PTPRG: variants seen among roughly 807,000 people sequenced by gnomAD.
PTPRG encodes receptor-type tyrosine-protein phosphatase gamma.
In PTPRG, 102 loss-of-function variants were observed where a neutral mutation model predicts 165.3. That is an observed-to-expected ratio of 0.62 (90% CI 0.53 to 0.73). PTPRG has a LOEUF of 0.73. Among genes scored for constraint, PTPRG ranks in the 30% least tolerant of loss-of-function variants. The pLI is 0.00. For missense variants in PTPRG, 1,866 were observed against 1,861.4 expected, an observed-to-expected ratio of 1.00 and a Z score of -0.05; for synonymous variants, 675 against 669.5, an observed-to-expected ratio of 1.01 and a Z score of -0.13.
At chr3:62,071,888 T>C (rs1303490114) in intron 4 of PTPRG, among the ~76,000 whole-genome samples, 1 of 152,204 alleles carries the variant, frequency 6.6e-6, no homozygotes, top group Admixed American at 6.5e-5. Context: ...CATAGTACAG[T>C]ACCTAGCATA....
intron 1 of PTPRG, among the ~76,000 whole-genome samples, chr3:61,619,915 T>G (rs1027297874): frequency 6.6e-6 from 1 of 152,212 alleles, no homozygotes; most frequent in African/African-American, 2.4e-5. Flanking sequence ...AAGTGATGGA[T>G]TATTAAACAG....
intron 2 of PTPRG, among the ~76,000 whole-genome samples, chr3:61,832,372 C>T (rs1052724392): frequency 6.6e-6 from 1 of 152,180 alleles, no homozygotes; most frequent in Non-Finnish European, 1.5e-5. Context: ...ATTTAATTCT[C>T]ATAACCCTAT....
Position 62,281,611 on chromosome 3 carries a change from T to C in PTPRG, c.3814T>C (p.Cys1272Arg), listed in dbSNP as rs1189838103. 1 of 1,554,982 alleles carries C rather than the reference T, an allele frequency of 6.4e-7. No homozygotes were observed. The highest frequency in any genetic ancestry group is 1.8e-5 in the Admixed American group (1 of 55,972). ...GCCAAGTCGAGAAGAATCCATGAAC[T>C]GTGAGGCCTTTACCGTCACCCTTAT... ...YWPSREESMN[C>R]EAFTVTLISK... Residue 1272 changes from cysteine to arginine, a missense_variant, in exon 27 of 30, where the codon TGT becomes CGT. Transcript: ENST00000474889.
At chr3:61,894,303 A>AAAAAC in intron 2 of PTPRG, among the ~76,000 whole-genome samples, 1 of 14,288 alleles carries the variant, frequency 7.0e-5, no homozygotes, top group Non-Finnish European at 1.9e-4. Flanking sequence ...CTCTGTGTCA[A>AAAAAC]AAAAAAAAAA....
At chr3:61,722,594 A>G (rs1254507561) in intron 1 of PTPRG, among the ~76,000 whole-genome samples, 1 of 152,216 alleles carries the variant, frequency 6.6e-6, no homozygotes, top group Non-Finnish European at 1.5e-5. Context: ...TCTTCCTGCA[A>G]GGCTTATATT....
At chr3:61,774,129 C>G (rs1038434287) in intron 2 of PTPRG, among the ~76,000 whole-genome samples, 2 of 152,130 alleles carry the variant, frequency 1.3e-5, no homozygotes, top group Non-Finnish European at 2.9e-5. Context: ...ACAGTCCTTT[C>G]CCAAAGTTGA....
chr3:61,835,765 A>G (rs547548336), intron 2 of PTPRG, among the ~76,000 whole-genome samples: 25 of 152,014 alleles, frequency 1.6e-4, no homozygotes, highest in African/African-American at 5.8e-4. Flanking sequence ...TGGGCCGGGC[A>G]CAGTGGCTCA....
In PTPRG at chr3:62,269,146, A is replaced by G. The variant is rs1485858671; in HGVS notation, c.2986A>G (p.Ile996Val). 3 of 1,587,708 alleles carry G rather than the reference A, an allele frequency of 1.9e-6. No homozygotes were observed. Among genetic ancestry groups the G allele is most frequent in the African/African-American group, 1.3e-5 (1 of 74,614 alleles). ...CTGCTACACTGTTCGTCGTTTTTCAATCAGAAATACAAAAGTGAAAAAGGT... is the reference window on the plus strand; with the variant it reads ...CTGCTACACTGTTCGTCGTTTTTCAGTCAGAAATACAAAAGTGAAAAAGGT... ...HACYTVRRFS[I>V]RNTKVKKGQK... The change falls in exon 20 of 30, where the codon ATC (isoleucine) becomes GTC (valine). Residue 996 changes from isoleucine (I) to valine (V), a missense_variant. By Grantham distance (29) the Ile-to-Val change is conservative. Around this residue, in one of 3 missense-constraint regions of PTPRG, gnomAD observed 1,452 missense variants for 1,463.0 expected, o/e 0.99. Coordinates refer to ENST00000474889, the MANE Select transcript of PTPRG (RefSeq NM_002841.4).
chr3:61,564,158 C>T (rs1278227894), intron 1 of PTPRG, among the ~76,000 whole-genome samples: 2 of 152,204 alleles, frequency 1.3e-5, no homozygotes, highest in African/African-American at 2.4e-5. Flanking sequence ...ACTAAAAGAT[C>T]ACTGCTCAGT....
intron 2 of PTPRG, among the ~76,000 whole-genome samples, chr3:61,854,516 G>T (rs1318851644): frequency 6.6e-6 from 1 of 152,178 alleles, no homozygotes; most frequent in Non-Finnish European, 1.5e-5. Flanking sequence ...TGCCTGTTCA[G>T]TGTGTACACA....
chr3:61,673,809 T>TA (rs1332486482), intron 1 of PTPRG, among the ~76,000 whole-genome samples: 1 of 152,208 alleles, frequency 6.6e-6, no homozygotes, highest in African/African-American at 2.4e-5. Context: ...AAGAAGAATG[T>TA]ACATTCCTTA....
At chr3:61,957,847 T>C (rs2040068769) in intron 2 of PTPRG, among the ~76,000 whole-genome samples, 1 of 152,208 alleles carries the variant, frequency 6.6e-6, no homozygotes, top group African/African-American at 2.4e-5. Context: ...AGAGGGGCTT[T>C]TGGGCTGAAA....
intron 12 of PTPRG, among the ~76,000 whole-genome samples, chr3:62,207,440 C>G (rs553111445): frequency 3.9e-5 from 6 of 152,346 alleles, no homozygotes; most frequent in African/African-American, 1.4e-4. Context: ...TCCATTCACC[C>G]TGTCCTTTGC....
chr3:61,685,066 C>T (rs1703576840), intron 1 of PTPRG, among the ~76,000 whole-genome samples: 1 of 152,226 alleles, frequency 6.6e-6, no homozygotes. Flanking sequence ...TCCCGCTCCT[C>T]CGCCTCTCTC....
intron 2 of PTPRG, among the ~76,000 whole-genome samples, chr3:61,888,869 T>G (rs903487681): frequency 6.6e-6 from 1 of 152,234 alleles, no homozygotes; most frequent in Non-Finnish European, 1.5e-5. Flanking sequence ...TCTTATGAAA[T>G]TGACATTTTG....
intron 4 of PTPRG, among the ~76,000 whole-genome samples, chr3:62,037,610 T>G (rs1699988406): frequency 6.6e-6 from 1 of 152,170 alleles, no homozygotes; most frequent in Admixed American, 6.5e-5. Flanking sequence ...TCTTCATCAA[T>G]AGTCAAATTT....
chr3:61,738,486 A>G (rs2032849118), intron 1 of PTPRG, among the ~76,000 whole-genome samples: 1 of 151,462 alleles, frequency 6.6e-6, no homozygotes, highest in Non-Finnish European at 1.5e-5. Context: ...GGTTTGGCAC[A>G]AAGTTACTAA....
intron 4 of PTPRG, among the ~76,000 whole-genome samples, chr3:62,008,214 A>C (rs1393461496): frequency 6.6e-6 from 1 of 152,246 alleles, no homozygotes; most frequent in African/African-American, 2.4e-5. Flanking sequence ...TAATAACCAA[A>C]GTTGCAGTTA....
chr3:62,042,554 G>T (rs780811758), intron 4 of PTPRG, among the ~76,000 whole-genome samples: 2 of 151,692 alleles, frequency 1.3e-5, no homozygotes, highest in Admixed American at 1.3e-4. Context: ...TCTTCCTCCC[G>T]CACCGCCACC....
Sources: gnomAD v4.1 joint callset for allele counts (sites outside exome capture counted in the v4.1 genomes callset) on GRCh38, gnomAD v4.1.1 for gene constraint, gnomAD v4.1.1 regional missense constraint, MANE v1.5 for transcripts, NCBI Gene and HGNC (gene_info 2026-07-23, HGNC 2026-07-21) for gene names.